Variants in GLT1D1 observed in about 807,000 individuals in gnomAD.
GLT1D1 encodes glycosyltransferase 1 domain containing 1.
A neutral mutation model predicts 28.7 loss-of-function variants in GLT1D1; 21 were observed. The observed-to-expected ratio is 0.73, with a 90% CI of 0.52 to 1.05. GLT1D1 has a LOEUF of 1.05. GLT1D1 is among the 50% of genes least tolerant of loss of function. GLT1D1 has a pLI of 0.00. For missense variants in GLT1D1, 343 were observed against 330.6 expected, an observed-to-expected ratio of 1.04 and a Z score of -0.29; for synonymous variants, 147 against 124.8, an observed-to-expected ratio of 1.18 and a Z score of -1.19.
At chr12:128,906,040 G>A (rs1223050552) in intron 4 of GLT1D1, among the ~76,000 whole-genome samples, 1 of 151,024 alleles carries the variant, frequency 6.6e-6, no homozygotes, top group African/African-American at 2.4e-5. Context: ...AGGTCTCACT[G>A]CGTTGCCCAG....
chr12:128,858,707 T>G (rs1478485250), intron 1 of GLT1D1, among the ~76,000 whole-genome samples: 1 of 151,806 alleles, frequency 6.6e-6, no homozygotes, highest in African/African-American at 2.4e-5. Context: ...CATAGCTAGA[T>G]CTTTTTCTTC....
intron 4 of GLT1D1, among the ~76,000 whole-genome samples, chr12:128,924,166 C>G (rs897596742): frequency 2.0e-5 from 3 of 152,018 alleles, no homozygotes; most frequent in African/African-American, 7.2e-5. Flanking sequence ...CTGGCTCATG[C>G]CTGTAATCCT....
intron 4 of GLT1D1, chr12:128,945,113 C>A (rs542406052): frequency 5.6e-6 from 4 of 716,768 alleles, no homozygotes; most frequent in East Asian, 2.6e-5. Context: ...TGCTTTAGCT[C>A]GAAGTATTGA....
At chr12:128,936,134 C>A (rs1244346590) in intron 4 of GLT1D1, among the ~76,000 whole-genome samples, 1 of 151,072 alleles carries the variant, frequency 6.6e-6, no homozygotes, top group African/African-American at 2.4e-5. Flanking sequence ...AGGCAGCATC[C>A]TGTGAGTGTT....
At chr12:128,884,411 G>T (rs953331223) in intron 2 of GLT1D1, among the ~76,000 whole-genome samples, 2 of 152,140 alleles carry the variant, frequency 1.3e-5, no homozygotes, top group African/African-American at 4.8e-5. Flanking sequence ...GAGGAGATTA[G>T]GGAAACGTTG....
intron 6 of GLT1D1, among the ~76,000 whole-genome samples, chr12:128,952,105 C>T (rs530413014): frequency 8.8e-4 from 134 of 152,100 alleles, no homozygotes; most frequent in Non-Finnish European, 1.3e-3. Context: ...AGCGGACAGA[C>T]GCTAAAGGGC....
At chr12:128,892,068 G>T (rs908855927) in intron 3 of GLT1D1, among the ~76,000 whole-genome samples, 1 of 152,194 alleles carries the variant, frequency 6.6e-6, no homozygotes, top group African/African-American at 2.4e-5. Context: ...TCACTGGTAG[G>T]TGACAGACAA....
intron 4 of GLT1D1, among the ~76,000 whole-genome samples, chr12:128,935,246 C>A (rs982275774): frequency 6.6e-6 from 1 of 152,200 alleles, no homozygotes; most frequent in Non-Finnish European, 1.5e-5. Context: ...TCTACCAGAG[C>A]TTTATGAAAT....
At chr12:128,871,200 A>C (rs1339302418) in intron 1 of GLT1D1, among the ~76,000 whole-genome samples, 1 of 152,226 alleles carries the variant, frequency 6.6e-6, no homozygotes, top group Non-Finnish European at 1.5e-5. Flanking sequence ...AAGAACATAA[A>C]ATAGCAATTA....
At chr12:128,926,808 C>G (rs551687844) in intron 4 of GLT1D1, among the ~76,000 whole-genome samples, 70 of 152,242 alleles carry the variant, frequency 4.6e-4, no homozygotes, top group African/African-American at 1.5e-3. Flanking sequence ...TCGATACAGT[C>G]TTGGTATATT....
chr12:128,926,350 C>G lies in GLT1D1; in HGVS notation c.376-18976C>G, dbSNP rs1873219052. The G allele has an allele frequency of 2.8e-6, 4 of 1,440,860 alleles. No homozygotes were observed. The highest frequency in any genetic ancestry group is 1.4e-5 in the African/African-American group (1 of 71,088). The allele number at this position is 1,440,860 out of a possible 1,614,324, so 89.3% of individuals were successfully genotyped here. A position where few individuals can be genotyped will look rare whatever the true frequency, so the allele number is the denominator to read the frequency against. The stretch of plus-strand genomic sequence containing the variant: ...CCCACTGAAAACATTCTGAACTCTT[C>G]TCTTACAGAGATTAACCAAAGTGCT... On this transcript the variant is annotated intron_variant, in intron 4 of 7. Coordinates refer to ENST00000281703, the MANE Select transcript of GLT1D1 (RefSeq NM_144669.3).
chr12:128,886,968 A>G (rs1348876590), intron 2 of GLT1D1, among the ~76,000 whole-genome samples: 1 of 151,946 alleles, frequency 6.6e-6, no homozygotes, highest in Non-Finnish European at 1.5e-5. Context: ...AATTCAAACA[A>G]TATAAAATGT....
intron 4 of GLT1D1, 139 bp downstream of exon 7, chr12:128,926,593 T>G: frequency 1.8e-6 from 1 of 545,436 alleles, no homozygotes; most frequent in South Asian, 2.6e-5. Context: ...ATTGCTACTT[T>G]GGAAAAGAAC....
At chr12:128,980,605 G>C (rs1880224313) in intron 7 of GLT1D1, among the ~76,000 whole-genome samples, 1 of 152,222 alleles carries the variant, frequency 6.6e-6, no homozygotes, top group African/African-American at 2.4e-5. Context: ...TTCCGAGACG[G>C]CCTCACTCAT....
chr12:128,870,817 T>C (rs573257907), intron 1 of GLT1D1, among the ~76,000 whole-genome samples: 2 of 151,568 alleles, frequency 1.3e-5, no homozygotes, highest in South Asian at 4.2e-4. Flanking sequence ...ATGGTGAAAC[T>C]CCATCTCTAC....
intron 4 of GLT1D1, among the ~76,000 whole-genome samples, chr12:128,904,728 G>T (rs920798887): frequency 6.1e-5 from 9 of 147,798 alleles, no homozygotes; most frequent in Non-Finnish European, 8.9e-5. Context: ...GCGGCTCCCG[G>T]ATTCAAGCGA....
intron 1 of GLT1D1, among the ~76,000 whole-genome samples, chr12:128,874,059 C>CTTTCTTTCTTTCTTTCTTT (rs1956774983): frequency 2.9e-5 from 1 of 34,706 alleles, no homozygotes; most frequent in Admixed American, 4.6e-4. Context: ...CTCCCTCCCT[C>CTTTCTTTCTTTCTTTCTTT]CTTTCTTTCT....
intron 4 of GLT1D1, among the ~76,000 whole-genome samples, chr12:128,901,723 C>A (rs1168306799): frequency 1.3e-5 from 2 of 151,708 alleles, no homozygotes; most frequent in Non-Finnish European, 2.9e-5. Flanking sequence ...GCGTGAGCCA[C>A]CATGCCTGGT....
At chr12:128,899,348 C>T (rs1174037475) in intron 4 of GLT1D1, 61 bp downstream of exon 4, 2 of 1,397,374 alleles carry the variant, frequency 1.4e-6, no homozygotes. Flanking sequence ...AATTCGAGAA[C>T]CGAAAGGCAG....
Sources: gnomAD v4.1 joint callset for allele counts (sites outside exome capture counted in the v4.1 genomes callset) on GRCh38, gnomAD v4.1.1 for gene constraint, MANE v1.5 for transcripts, NCBI Gene and HGNC (gene_info 2026-07-23, HGNC 2026-07-21) for gene names.